DGKB: variants seen among roughly 807,000 people sequenced by gnomAD.
The protein encoded by DGKB is diacylglycerol kinase beta.
DGKB carries 67 observed loss-of-function variants against 114.3 expected under a neutral mutation model. The ratio of observed to expected loss-of-function variants is 0.59; its 90% CI spans 0.48 to 0.72. The LOEUF (loss-of-function observed/expected upper bound fraction) is 0.72, where lower values mean the gene tolerates loss of function less well. DGKB is among the 30% of genes least tolerant of loss of function. The pLI, the probability that DGKB is intolerant of heterozygous loss-of-function variation, is 0.00. For missense variants in DGKB, 907 were observed against 975.2 expected, an observed-to-expected ratio of 0.93 and a Z score of 0.93; for synonymous variants, 398 against 323.1, an observed-to-expected ratio of 1.23 and a Z score of -2.49.
chr7:14,564,178 C>T (rs1054302889), intron 20 of DGKB, among the ~76,000 whole-genome samples: 3 of 152,162 alleles, frequency 2.0e-5, no homozygotes, highest in Admixed American at 6.5e-5. Context: ...AGTTAAGCCA[C>T]TGCCTGTATT....
chr7:14,293,965 T>C (rs1189153351), intron 23 of DGKB, among the ~76,000 whole-genome samples: 1 of 152,202 alleles, frequency 6.6e-6, no homozygotes, highest in Admixed American at 6.5e-5. Context: ...ACAGATTTCT[T>C]ATCTTTTTGT....
intron 5 of DGKB, among the ~76,000 whole-genome samples, chr7:14,721,361 T>C (rs553995816): frequency 6.6e-6 from 1 of 152,200 alleles, no homozygotes; most frequent in African/African-American, 2.4e-5. Flanking sequence ...CGAGTATGAA[T>C]GTACACATAT....
At chr7:14,252,546 G>A (rs1795390523) in intron 23 of DGKB, among the ~76,000 whole-genome samples, 1 of 152,150 alleles carries the variant, frequency 6.6e-6, no homozygotes, top group Admixed American at 6.5e-5. Flanking sequence ...TACTCCAACA[G>A]GCTGGCTTGG....
chr7:14,432,487 C>T lies in DGKB; in HGVS notation c.1835+45674G>A, dbSNP rs141995048. On this transcript the variant is annotated intron_variant, in intron 21 of 25. Transcript: ENST00000402815. ...CCAGCTCAAACTACTTTTAGCTCTT[C>T]ACTCTGTTTCTCATTTATTATCCTA... is the stretch of plus-strand genomic sequence containing the variant. 2.0e-5 allele frequency among the ~76,000 whole-genome samples: 3 copies of T among 152,286 alleles called. No individual in the cohort carries two copies. In the East Asian group the frequency reaches 5.8e-4, roughly 29 times the overall value.
intron 1 of DGKB, among the ~76,000 whole-genome samples, chr7:14,883,867 A>G (rs1401109310): frequency 1.3e-5 from 2 of 151,966 alleles, no homozygotes; most frequent in East Asian, 1.9e-4. Context: ...TCTAAACCCA[A>G]TGATACCCAA....
At chr7:14,651,090 C>T (rs898117570) in intron 13 of DGKB, among the ~76,000 whole-genome samples, 5 of 152,104 alleles carry the variant, frequency 3.3e-5, no homozygotes, top group African/African-American at 1.2e-4. Context: ...TGGTACCATT[C>T]CTTCTGAAAC....
chr7:14,357,861 A>T (rs1814886682), intron 21 of DGKB, among the ~76,000 whole-genome samples: 1 of 152,152 alleles, frequency 6.6e-6, no homozygotes, highest in Non-Finnish European at 1.5e-5. Flanking sequence ...TATGAAGCTT[A>T]GTTTGGCTGG....
chr7:14,631,273 A>G (rs1056474585), intron 13 of DGKB, among the ~76,000 whole-genome samples: 6 of 150,506 alleles, frequency 4.0e-5, no homozygotes, highest in Non-Finnish European at 7.4e-5. Flanking sequence ...CAAAAAAAAA[A>G]AAAAAAAAAG....
intron 23 of DGKB, among the ~76,000 whole-genome samples, chr7:14,272,747 C>T (rs1798447493): frequency 6.6e-6 from 1 of 152,150 alleles, no homozygotes. Flanking sequence ...GATCTTAATG[C>T]ATATTGTTGG....
chr7:14,960,962 A>G (rs1007591815), intron 1 of DGKB, among the ~76,000 whole-genome samples: 2 of 152,060 alleles, frequency 1.3e-5, no homozygotes, highest in African/African-American at 4.8e-5. Flanking sequence ...AGAACATGAC[A>G]TCTCAATTTA....
At chr7:14,918,957 G>A (rs1043880158) in intron 1 of DGKB, among the ~76,000 whole-genome samples, 7 of 151,840 alleles carry the variant, frequency 4.6e-5, no homozygotes, top group Non-Finnish European at 1.0e-4. Context: ...CAGCTACTCA[G>A]GAGGCTGAGG....
chr7:14,902,333 T>C (rs1000369401), intron 1 of DGKB, among the ~76,000 whole-genome samples: 1 of 152,188 alleles, frequency 6.6e-6, no homozygotes, highest in Non-Finnish European at 1.5e-5. Context: ...CATTTATCAG[T>C]TATGTTGCCC....
At chr7:14,209,567 G>T in intron 23 of DGKB, 1 of 488,352 alleles carries the variant, frequency 2.0e-6, no homozygotes, top group Non-Finnish European at 4.2e-6. Context: ...TTTAAAATGG[G>T]GGCTCCAGAG....
At chr7:14,425,290 T>C (rs1004988091) in intron 21 of DGKB, among the ~76,000 whole-genome samples, 6 of 152,116 alleles carry the variant, frequency 3.9e-5, no homozygotes, top group South Asian at 2.1e-4. Flanking sequence ...AACATATTCA[T>C]TTAGAATCTT....
intron 1 of DGKB, among the ~76,000 whole-genome samples, chr7:14,862,503 T>G (rs1257566952): frequency 2.6e-5 from 4 of 152,076 alleles, no homozygotes. Context: ...ATAATAATAT[T>G]ATTTTCATCT....
intron 1 of DGKB, among the ~76,000 whole-genome samples, chr7:14,885,153 AG>A (rs1164799319): frequency 1.3e-5 from 2 of 151,968 alleles, no homozygotes; most frequent in Non-Finnish European, 2.9e-5. Flanking sequence ...TGATGAGTAG[AG>A]CCAAAATCAG....
intron 8 of DGKB, among the ~76,000 whole-genome samples, chr7:14,696,025 C>G (rs1206493676): frequency 1.3e-5 from 2 of 152,110 alleles, no homozygotes; most frequent in African/African-American, 4.8e-5. Context: ...CTTGTATTCT[C>G]CATTCAATAA....
intron 4 of DGKB, among the ~76,000 whole-genome samples, chr7:14,749,425 C>T (rs1186828173): frequency 6.6e-6 from 1 of 152,004 alleles, no homozygotes; most frequent in African/African-American, 2.4e-5. Context: ...CTACCTTTAC[C>T]TAAGACTAGA....
At chr7:14,226,573 C>T (rs1024156170) in intron 23 of DGKB, among the ~76,000 whole-genome samples, 2 of 151,818 alleles carry the variant, frequency 1.3e-5, no homozygotes, top group Non-Finnish European at 2.9e-5. Context: ...AACATCATGA[C>T]TATTTTCCTT....
Sources: allele counts gnomAD v4.1 joint callset (sites outside exome capture counted in the v4.1 genomes callset), GRCh38; gene constraint gnomAD v4.1.1; transcripts MANE v1.5; gene names NCBI Gene and HGNC (gene_info 2026-07-23, HGNC 2026-07-21).